Variants in ASB3 observed in about 807,000 individuals in gnomAD.
ASB3 encodes the protein ankyrin repeat and SOCS box containing 3, also known as ankyrin repeat and SOCS box protein 3.
Under a neutral mutation model 54.5 loss-of-function variants are expected in ASB3, and 41 were observed. The ratio of observed to expected loss-of-function variants is 0.75; its 90% CI spans 0.59 to 0.98. The LOEUF is 0.98. ASB3 is among the 50% of genes least tolerant of loss of function. ASB3 has a pLI of 0.00. For synonymous variants in ASB3, 266 were observed against 221.2 expected (o/e 1.20, Z -1.80); for missense variants, 733 against 620.0 (o/e 1.18, Z -1.94).
rs1670273544 is a variant in ASB3 at position 53,714,376 on chromosome 2, A to C, written c.980+8T>G. The C allele has an allele frequency of 6.8e-6, 11 of 1,613,276 alleles. No homozygotes were observed. The highest frequency in any genetic ancestry group is 9.3e-6 in the Non-Finnish European group (11 of 1,179,846). On this transcript the variant is annotated splice_region_variant and intron_variant, in intron 7 of 9. Transcript: ENST00000263634. ...AATAAAAAATAAAAACATAGCAAAT[A>C]TACATACTCCTTTTGGAAAGCCATG...
chr2:53,781,800 T>C (rs1408815121), intron 1 of ASB3, among the ~76,000 whole-genome samples: 1 of 152,226 alleles, frequency 6.6e-6, no homozygotes, highest in Admixed American at 6.5e-5. Flanking sequence ...CGGCGGAGAT[T>C]CTTTTTTAAT....
At chr2:53,768,185 C>A in intron 1 of ASB3, 1 of 791,260 alleles carries the variant, frequency 1.3e-6, no homozygotes, top group Non-Finnish European at 1.9e-6. Context: ...ACCTGCCCGC[C>A]ATCTCTAACC....
At chr2:53,784,176 G>A (rs1674807513) in intron 1 of ASB3, among the ~76,000 whole-genome samples, 1 of 152,150 alleles carries the variant, frequency 6.6e-6, no homozygotes, top group African/African-American at 2.4e-5. Flanking sequence ...ATTACAATAT[G>A]GTAAATAGTT....
intron 1 of ASB3, among the ~76,000 whole-genome samples, chr2:53,782,811 A>C (rs1007823315): frequency 2.6e-5 from 4 of 151,956 alleles, no homozygotes; most frequent in Non-Finnish European, 5.9e-5. Context: ...TTTTAGATGA[A>C]GTTTCACTTT....
intron 2 of ASB3, among the ~76,000 whole-genome samples, chr2:53,753,774 T>G (rs1364045070): frequency 6.6e-6 from 1 of 152,024 alleles, no homozygotes; most frequent in Middle Eastern, 3.4e-3. Flanking sequence ...GTAGCTGGGA[T>G]TATAGGCGCA....
At chr2:53,760,169 T>G (rs2104061653) in intron 2 of ASB3, among the ~76,000 whole-genome samples, 1 of 152,248 alleles carries the variant, frequency 6.6e-6, no homozygotes, top group African/African-American at 2.4e-5. Flanking sequence ...GCAGGGGCCG[T>G]TATACACTAG....
intron 3 of ASB3, chr2:53,748,368 C>T (rs1004421911): frequency 3.3e-5 from 5 of 152,200 alleles, no homozygotes; most frequent in African/African-American, 1.2e-4. Flanking sequence ...AATGCTTCCT[C>T]TGTAGTTGTA....
intron 7 of ASB3, among the ~76,000 whole-genome samples, chr2:53,712,169 A>G (rs1417040468): frequency 6.6e-6 from 1 of 152,058 alleles, no homozygotes; most frequent in African/African-American, 2.4e-5. Flanking sequence ...CAGACACAGC[A>G]GAAAAAAATA....
At chr2:53,716,812 G>C (rs1670421056) in intron 5 of ASB3, 69 bp from the exon 6 acceptor site, 2 of 1,496,684 alleles carry the variant, frequency 1.3e-6, no homozygotes, top group Non-Finnish European at 1.8e-6. Flanking sequence ...AAATTTCAAA[G>C]GAACTACCAT....
chr2:53,722,532 G>A (rs1273078278), intron 5 of ASB3, among the ~76,000 whole-genome samples: 12 of 152,080 alleles, frequency 7.9e-5, no homozygotes, highest in Non-Finnish European at 1.8e-4. Flanking sequence ...ATATGCAAAT[G>A]AATAATTGGG....
intron 3 of ASB3, among the ~76,000 whole-genome samples, chr2:53,742,734 TA>T (rs60852381): frequency 0.43 from 63,997 of 147,312 alleles, 14,261 homozygotes; most frequent in East Asian, 0.62. Flanking sequence ...CATAGAGGCT[TA>T]AAAAAAAAAC....
chr2:53,716,638 T>C lies in ASB3; in HGVS notation c.710A>G (p.Asp237Gly). The change falls in exon 6 of 10, where the codon GAT becomes GGT. Residue 237 changes from aspartate to glycine, a missense_variant. Physicochemically the swap from Asp to Gly is moderately conservative, Grantham distance 94 (BLOSUM62 -1). Transcript: ENST00000263634. ...GTCCTCATTACAGTAAAGATCAGGA[T>C]CTGCCCCACTGGAGAGCAAAAGCTC... ...CVELLLSSGA[D>G]PDLYCNEDSW... 6.2e-7 allele frequency: 1 copy of C among 1,614,214 alleles called. No individual in the cohort carries two copies.
intron 9 of ASB3, 127 bp from the exon 10 acceptor site, chr2:53,670,817 T>C: frequency 9.2e-7 from 1 of 1,091,332 alleles, no homozygotes; most frequent in East Asian, 2.6e-5. Flanking sequence ...AGAAGACTAC[T>C]TTGAGTCAGT....
intron 3 of ASB3, among the ~76,000 whole-genome samples, chr2:53,748,801 C>T (rs567465199): frequency 3.3e-5 from 5 of 152,088 alleles, no homozygotes; most frequent in African/African-American, 9.7e-5. Context: ...GGATTCATCA[C>T]GGACCAAAAT....
intron 3 of ASB3, among the ~76,000 whole-genome samples, chr2:53,730,870 G>T (rs1671269444): frequency 6.6e-6 from 1 of 152,040 alleles, no homozygotes; most frequent in Non-Finnish European, 1.5e-5. Flanking sequence ...CAGGAAGTGG[G>T]AATCAACACT....
At chr2:53,682,159 CAAAAAA>C (rs773098555) in intron 9 of ASB3, among the ~76,000 whole-genome samples, 1 of 77,094 alleles carries the variant, frequency 1.3e-5, no homozygotes, top group Non-Finnish European at 2.6e-5. Flanking sequence ...GACTCCGTCT[CAAAAAA>C]AAAAAAAAAA....
intron 1 of ASB3, among the ~76,000 whole-genome samples, chr2:53,779,102 T>C (rs909384038): frequency 2.6e-5 from 4 of 152,230 alleles, no homozygotes; most frequent in Non-Finnish European, 5.9e-5. Flanking sequence ...TGATATCTCA[T>C]AGTGGTTTTA....
chr2:53,707,782 T>C (rs1406894239), intron 7 of ASB3, among the ~76,000 whole-genome samples: 1 of 151,418 alleles, frequency 6.6e-6, no homozygotes, highest in Non-Finnish European at 1.5e-5. Flanking sequence ...GCCAACATGG[T>C]GAAACCCCAT....
intron 5 of ASB3, among the ~76,000 whole-genome samples, chr2:53,717,961 T>A (rs1163017706): frequency 2.6e-5 from 4 of 152,130 alleles, no homozygotes; most frequent in Non-Finnish European, 4.4e-5. Flanking sequence ...TGAAGATCAG[T>A]CTTTCAAACT....
Sources: gnomAD v4.1 joint callset for allele counts (sites outside exome capture counted in the v4.1 genomes callset) on GRCh38, gnomAD v4.1.1 for gene constraint, MANE v1.5 for transcripts, NCBI Gene and HGNC (gene_info 2026-07-23, HGNC 2026-07-21) for gene names.